The following ATRN variants were observed in gnomAD, a reference collection of about 807,000 sequenced individuals.
ATRN encodes the protein attractin-2.
Under a neutral mutation model 178.7 loss-of-function variants are expected in ATRN, and 54 were observed. The ratio of observed to expected loss-of-function variants is 0.30; its 90% CI spans 0.24 to 0.38. The LOEUF is 0.38. Ranked by LOEUF, ATRN falls within the 10% of genes least tolerant of loss-of-function variation. ATRN has a pLI of 1.00. For synonymous variants in ATRN, 636 were observed against 663.0 expected, an observed-to-expected ratio of 0.96 and a Z score of 0.63; for missense variants, 1,443 against 1,815.1, an observed-to-expected ratio of 0.79 and a Z score of 3.73.
At chr20:3,472,993 C>G (rs2084453977) in intron 1 of ATRN, among the ~76,000 whole-genome samples, 1 of 152,190 alleles carries the variant, frequency 6.6e-6, no homozygotes, top group Non-Finnish European at 1.5e-5. Flanking sequence ...CAGATGAGCT[C>G]TTTAGTTTTA....
chr20:3,595,444 A>G (rs917583329), intron 20 of ATRN, among the ~76,000 whole-genome samples: 1 of 152,164 alleles, frequency 6.6e-6, no homozygotes, highest in African/African-American at 2.4e-5. Flanking sequence ...TGCTGGTGCT[A>G]CTCAGCAGGG....
intron 23 of ATRN, among the ~76,000 whole-genome samples, chr20:3,603,883 A>G (rs2086645074): frequency 1.3e-5 from 2 of 152,150 alleles, no homozygotes; most frequent in African/African-American, 4.8e-5. Context: ...GACTTGAGGG[A>G]AGTTACTTAA....
intron 24 of ATRN, among the ~76,000 whole-genome samples, chr20:3,614,074 AT>A (rs1225350615): frequency 6.6e-6 from 1 of 152,186 alleles, no homozygotes; most frequent in Non-Finnish European, 1.5e-5. Flanking sequence ...GACTATAAAA[AT>A]CTTTGTAGAT....
intron 2 of ATRN, among the ~76,000 whole-genome samples, chr20:3,535,626 C>CACACAT (rs1491226542): frequency 0.14 from 16,473 of 114,958 alleles, 1,226 homozygotes; most frequent in Non-Finnish European, 0.2. Context: ...CACACACACA[C>CACACAT]ATATATATTT....
chr20:3,512,107 A>ATATATATATATATATATTT, intron 1 of ATRN, among the ~76,000 whole-genome samples: 30 of 106,368 alleles, frequency 2.8e-4, no homozygotes, highest in Middle Eastern at 5.4e-3. Flanking sequence ...ATATATATAT[A>ATATATATATATATATATTT]TTTTTTTTTT....
chr20:3,646,329 G>A (rs1457821107), intron 28 of ATRN, among the ~76,000 whole-genome samples: 3 of 152,158 alleles, frequency 2.0e-5, no homozygotes, highest in African/African-American at 7.2e-5. Context: ...GAGAAATTGG[G>A]CACTTAGCAC....
intron 1 of ATRN, chr20:3,489,648 T>A: frequency 4.0e-6 from 6 of 1,494,020 alleles, no homozygotes; most frequent in Non-Finnish European, 5.6e-6. Flanking sequence ...CTTCTGCAAT[T>A]TGAATTTGGC....
Position 3,550,316 on chromosome 20 carries a change from C to T in ATRN, c.1112+978C>T, listed in dbSNP as rs143457176. Among the ~76,000 whole-genome samples the T allele has an allele frequency of 3.3e-3, 496 of 152,296 alleles. 1 individual carries two copies. Among genetic ancestry groups the T allele is most frequent in the African/African-American group, 0.011 (454 of 41,554 alleles). On this transcript the variant is annotated intron_variant, in intron 6 of 28. Transcript: ENST00000262919. ...AAGCCTTATTTCTGGGCTCTCCATT[C>T]TGTTCCATTGGTCTATGTATCTGTT...
chr20:3,521,544 T>C (rs1010236147), intron 1 of ATRN, among the ~76,000 whole-genome samples: 2 of 152,226 alleles, frequency 1.3e-5, no homozygotes, highest in Admixed American at 6.5e-5. Flanking sequence ...TCCACAATTA[T>C]AGTTGCAGAT....
intron 15 of ATRN, 106 bp downstream of exon 15, chr20:3,578,878 G>A: frequency 2.8e-6 from 3 of 1,079,898 alleles, no homozygotes; most frequent in Non-Finnish European, 3.9e-6. Flanking sequence ...GACGTGCTTG[G>A]CAAGAAGGGG....
intron 10 of ATRN, among the ~76,000 whole-genome samples, chr20:3,565,012 CTGAGA>C: frequency 6.6e-6 from 1 of 152,214 alleles, no homozygotes; most frequent in Middle Eastern, 3.4e-3. Context: ...TTGCAGTGAG[CTGAGA>C]TCACACCACT....
intron 11 of ATRN, among the ~76,000 whole-genome samples, chr20:3,569,568 C>T (rs960903783): frequency 2.0e-5 from 3 of 152,130 alleles, no homozygotes; most frequent in South Asian, 2.1e-4. Flanking sequence ...GTGAACTGTA[C>T]ACTTAGGCTA....
chr20:3,561,451 A>T (rs1040534000), intron 8 of ATRN, among the ~76,000 whole-genome samples: 1 of 152,248 alleles, frequency 6.6e-6, no homozygotes, highest in African/African-American at 2.4e-5. Flanking sequence ...GGAGCCAAAG[A>T]TGACGCAAAG....
chr20:3,592,803 G>A (rs2086468502), intron 19 of ATRN, among the ~76,000 whole-genome samples: 1 of 152,184 alleles, frequency 6.6e-6, no homozygotes. Context: ...AGCAGCACAT[G>A]ACACATGTTC....
chr20:3,635,586 A>G (rs1436433752), intron 26 of ATRN, among the ~76,000 whole-genome samples: 1 of 152,066 alleles, frequency 6.6e-6, no homozygotes, highest in African/African-American at 2.4e-5. Context: ...GGATCTACTC[A>G]TGCCTTTTTC....
intron 15 of ATRN, among the ~76,000 whole-genome samples, chr20:3,580,272 A>T (rs2086264874): frequency 1.3e-5 from 2 of 152,182 alleles, no homozygotes; most frequent in South Asian, 4.1e-4. Flanking sequence ...GAGTCCACAG[A>T]AGTTAAAAGG....
At chr20:3,640,553 G>T (rs1287855455) in intron 27 of ATRN, among the ~76,000 whole-genome samples, 4 of 152,198 alleles carry the variant, frequency 2.6e-5, no homozygotes, top group African/African-American at 9.7e-5. Flanking sequence ...AAACAAGTTG[G>T]ATTTCTCATA....
At chr20:3,480,830 G>C (rs756594357) in intron 1 of ATRN, among the ~76,000 whole-genome samples, 8 of 152,132 alleles carry the variant, frequency 5.3e-5, no homozygotes, top group Non-Finnish European at 8.8e-5. Context: ...TACATTTGTA[G>C]GTTATTTTTA....
At chr20:3,624,923 A>C (rs1222840117) in intron 25 of ATRN, among the ~76,000 whole-genome samples, 2 of 152,222 alleles carry the variant, frequency 1.3e-5, no homozygotes, top group African/African-American at 4.8e-5. Flanking sequence ...TGAGCTACAC[A>C]TATGCTTATG....
Sources: allele counts gnomAD v4.1 joint callset (sites outside exome capture counted in the v4.1 genomes callset), GRCh38; gene constraint gnomAD v4.1.1; transcripts MANE v1.5; gene names NCBI Gene and HGNC (gene_info 2026-07-23, HGNC 2026-07-21).